The following MOCOS variants were observed in gnomAD, a reference collection of about 807,000 sequenced individuals.
MOCOS encodes the protein molybdenum cofactor sulfurase.
A neutral mutation model predicts 83.6 loss-of-function variants in MOCOS; 86 were observed. That is an observed-to-expected ratio of 1.03 (90% CI 0.86 to 1.23). The LOEUF (loss-of-function observed/expected upper bound fraction) is 1.23, where lower values mean the gene tolerates loss of function less well. Among genes scored for constraint, MOCOS ranks in the 50% most tolerant of loss-of-function variants. The pLI, the probability that MOCOS is intolerant of heterozygous loss-of-function variation, is 0.00. For missense variants in MOCOS, 1,120 were observed against 1,126.9 expected, an observed-to-expected ratio of 0.99 and a Z score of 0.09; for synonymous variants, 445 against 434.7, an observed-to-expected ratio of 1.02 and a Z score of -0.29.
intron 8 of MOCOS, among the ~76,000 whole-genome samples, chr18:36,217,742 G>T (rs1001150211): frequency 1.3e-5 from 2 of 152,186 alleles, no homozygotes; most frequent in Non-Finnish European, 2.9e-5. Context: ...AAGAAGAAAC[G>T]AGATGAAAAC....
chr18:36,251,414 C>T (rs2091621440), intron 11 of MOCOS, 131 bp downstream of exon 11: 2 of 1,246,876 alleles, frequency 1.6e-6, no homozygotes, highest in South Asian at 1.2e-5. Flanking sequence ...CAGCCTTTAG[C>T]AGAAACCTAC....
At chr18:36,206,687 G>T (rs914733163) in intron 6 of MOCOS, among the ~76,000 whole-genome samples, 1 of 152,074 alleles carries the variant, frequency 6.6e-6, no homozygotes, top group Non-Finnish European at 1.5e-5. Flanking sequence ...TCTTCTTTGT[G>T]TCCATGTGTA....
At chr18:36,233,990 C>G (rs1192426599) in intron 9 of MOCOS, among the ~76,000 whole-genome samples, 1 of 152,044 alleles carries the variant, frequency 6.6e-6, no homozygotes, top group African/African-American at 2.4e-5. Context: ...TGGATTGTCT[C>G]TTTACTTTTC....
chr18:36,255,264 G>A (rs748069801), intron 11 of MOCOS, among the ~76,000 whole-genome samples: 14 of 152,130 alleles, frequency 9.2e-5, no homozygotes, highest in South Asian at 2.1e-4. Context: ...AAGGAGTTTC[G>A]TTAGTGCAGT....
intron 9 of MOCOS, among the ~76,000 whole-genome samples, chr18:36,226,325 T>G (rs929791332): frequency 2.8e-4 from 43 of 152,292 alleles, no homozygotes; most frequent in African/African-American, 9.4e-4. Flanking sequence ...TTAATGGACA[T>G]AATTATAGCC....
chr18:36,192,218 T>C (rs2091368666), intron 1 of MOCOS, among the ~76,000 whole-genome samples: 1 of 152,144 alleles, frequency 6.6e-6, no homozygotes. Flanking sequence ...TTTCAAGGAA[T>C]CCACACACAA....
In MOCOS at chr18:36,260,057, AATT is replaced by A. The variant is rs1490965161; in HGVS notation, c.2295_2297del (p.Leu765del). ...ATCAGTGATGAGAATGGAAAGGAGG[AATT>A]ATTCTCACTGAAGGATCTCAGCTTG... On this transcript the variant is annotated inframe_deletion, in exon 13 of 15. Coordinates refer to ENST00000261326, the MANE Select transcript of MOCOS (RefSeq NM_017947.4). 6.2e-7 allele frequency: 1 copy of A among 1,614,224 alleles called. No individual in the cohort carries two copies. The highest frequency in any genetic ancestry group is 1.7e-5 in the Admixed American group (1 of 60,030).
intron 1 of MOCOS, chr18:36,190,208 T>A (rs936309119): frequency 2.0e-5 from 3 of 152,204 alleles, no homozygotes; most frequent in African/African-American, 7.2e-5. Context: ...ACAAAAGCCT[T>A]TCTTTTGGTT....
chr18:36,238,001 G>C (rs927862396), intron 9 of MOCOS, among the ~76,000 whole-genome samples: 27 of 152,002 alleles, frequency 1.8e-4, no homozygotes, highest in African/African-American at 6.3e-4. Flanking sequence ...ATTTTTTATT[G>C]CGTCTATTTG....
chr18:36,229,075 G>A (rs894963260), intron 9 of MOCOS, among the ~76,000 whole-genome samples: 1 of 151,932 alleles, frequency 6.6e-6, no homozygotes, highest in African/African-American at 2.4e-5. Context: ...TGACCTTTAT[G>A]CTAGGATTAA....
chr18:36,231,282 C>T (rs1282733477), intron 9 of MOCOS, among the ~76,000 whole-genome samples: 1 of 152,142 alleles, frequency 6.6e-6, no homozygotes, highest in Non-Finnish European at 1.5e-5. Context: ...GTACACTTGG[C>T]AATGACTTTC....
At chr18:36,254,458 C>CTGTG (rs60813321) in intron 11 of MOCOS, among the ~76,000 whole-genome samples, 15,576 of 138,716 alleles carry the variant, frequency 0.11, 937 homozygotes, top group Middle Eastern at 0.25. Flanking sequence ...TACATTATCT[C>CTGTG]TGTGTGTGTG....
In MOCOS at chr18:36,206,637, C is replaced by G. The variant is rs188441964; in HGVS notation, c.1218+1361C>G. ...GTAGTTTCTCAATCTTCCCCTCCCCCCACCTTCTACCCTCAAGTAGGCCCC... is the reference window on the plus strand; with the variant it reads ...GTAGTTTCTCAATCTTCCCCTCCCCGCACCTTCTACCCTCAAGTAGGCCCC... On this transcript the variant is annotated intron_variant, in intron 6 of 14. Coordinates refer to ENST00000261326, the MANE Select transcript of MOCOS (RefSeq NM_017947.4). 6.7e-3 allele frequency among the ~76,000 whole-genome samples: 1,013 copies of G among 152,290 alleles called. 3 individuals are homozygous for G. The highest frequency in any genetic ancestry group is 8.9e-3 in the Non-Finnish European group (607 of 68,010).
intron 10 of MOCOS, among the ~76,000 whole-genome samples, chr18:36,250,074 G>A (rs1029753302): frequency 6.6e-6 from 1 of 152,116 alleles, no homozygotes; most frequent in Non-Finnish European, 1.5e-5. Context: ...CTGAATACAT[G>A]TGGAATAGCA....
intron 13 of MOCOS, among the ~76,000 whole-genome samples, chr18:36,264,339 G>A (rs1222405735): frequency 6.6e-6 from 1 of 152,190 alleles, no homozygotes; most frequent in South Asian, 2.1e-4. Context: ...GCTGGTGCAA[G>A]CTGCAGGGCC....
At chr18:36,218,827 C>T (rs1357264762) in intron 8 of MOCOS, among the ~76,000 whole-genome samples, 1 of 144,608 alleles carries the variant, frequency 6.9e-6, no homozygotes, top group Non-Finnish European at 1.5e-5. Flanking sequence ...GCTCTACTCA[C>T]TTTATTTTAT....
rs2091691003 is a variant in MOCOS, at chr18:36,269,010, G to A, written c.*325G>A. The A allele has an allele frequency of 3.1e-6, 1 of 320,408 alleles. No homozygotes were observed. Among genetic ancestry groups the A allele is most frequent in the African/African-American group, 2.2e-5 (1 of 46,370 alleles). 19.8% of individuals were successfully genotyped at this position (320,408 alleles called of 1,614,324 possible). On this transcript the variant is annotated 3_prime_UTR_variant, in exon 15 of 15. Transcript: ENST00000261326. The stretch of plus-strand genomic sequence containing the variant: ...CACTGGGAAGATTGAACTTACTGCG[G>A]GTCCCTATTTTGCCATTTTCTCACA...
chr18:36,220,453 G>C (rs753958658), intron 9 of MOCOS, among the ~76,000 whole-genome samples: 3 of 152,002 alleles, frequency 2.0e-5, no homozygotes, highest in Non-Finnish European at 2.9e-5. Flanking sequence ...AGGTTGCAGT[G>C]AATCGAGATC....
At chr18:36,245,126 A>G (rs554920438) in intron 9 of MOCOS, among the ~76,000 whole-genome samples, 5 of 152,210 alleles carry the variant, frequency 3.3e-5, no homozygotes, top group Non-Finnish European at 5.9e-5. Context: ...TTTACATTCA[A>G]ACATTACTAT....
Sources: allele counts gnomAD v4.1 joint callset (sites outside exome capture counted in the v4.1 genomes callset), GRCh38; gene constraint gnomAD v4.1.1; transcripts MANE v1.5; gene names NCBI Gene and HGNC (gene_info 2026-07-23, HGNC 2026-07-21).